Variants in RNPEP observed in about 807,000 individuals in gnomAD.
RNPEP encodes aminopeptidase B.
RNPEP carries 57 observed loss-of-function variants against 70.1 expected under a neutral mutation model. The ratio of observed to expected loss-of-function variants is 0.81; its 90% confidence interval spans 0.66 to 1.01. The LOEUF is 1.01. Ranked by LOEUF, RNPEP falls within the 50% of genes least tolerant of loss-of-function variation. RNPEP has a pLI of 0.00. For missense variants in RNPEP, 787 were observed against 852.4 expected (o/e 0.92, Z 0.96); for synonymous variants, 335 against 357.4 (o/e 0.94, Z 0.71).
At chr1:201,994,690 A>G (rs376040115) in intron 3 of RNPEP, among the ~76,000 whole-genome samples, 2 of 148,454 alleles carry the variant, frequency 1.3e-5, no homozygotes, top group African/African-American at 5.0e-5. Context: ...TTTTTGAAAC[A>G]GAGTCTTACT....
chr1:202,000,000 G>T lies in RNPEP; in HGVS notation c.1189G>T (p.Val397Leu), dbSNP rs777730719. The change falls in exon 6 of 11, where the codon GTG becomes TTG. Residue 397 changes from valine to leucine, a missense_variant. Coordinates refer to ENST00000295640, the MANE Select transcript of RNPEP (RefSeq NM_020216.4). ...GGAAAACCCACTCAACAAGCTCCGC[G>T]TGAAGATTGAACCAGGTCCAGGAGG... Reference protein sequence around the residue: ...GEENPLNKLRVKIEPGVDPDD... With the variant: ...GEENPLNKLRLKIEPGVDPDD... 4.3e-6 allele frequency: 7 copies of T among 1,613,266 alleles called. No homozygotes were observed. The South Asian group carries it at 4.4e-5, about 10-fold the overall frequency.
At chr1:202,001,290 C>A (rs1571644840) in intron 6 of RNPEP, 86 bp from the exon 7 acceptor site, 1 of 914,070 alleles carries the variant, frequency 1.1e-6, no homozygotes, top group Non-Finnish European at 1.8e-6. Context: ...TCTTCCATCG[C>A]TAGTCTTTGA....
intron 3 of RNPEP, among the ~76,000 whole-genome samples, chr1:201,991,936 C>G (rs180903929): frequency 3.9e-5 from 6 of 152,246 alleles, no homozygotes; most frequent in East Asian, 3.9e-4. Flanking sequence ...CTTTTTCTGT[C>G]TGGTTTCCTG....
rs760745382 is a variant in RNPEP at position 202,004,493 on chromosome 1, C to G, written c.1791C>G (p.Asn597Lys). 3.7e-6 allele frequency: 6 copies of G among 1,613,440 alleles called. No homozygotes were observed. The African/African-American group carries it at 5.3e-5, about 14-fold the overall frequency. Residue 597 changes from asparagine (N) to lysine (K), a missense_variant, in exon 10 of 11, where the codon AAC becomes AAG. Coordinates refer to ENST00000295640, the MANE Select transcript of RNPEP (RefSeq NM_020216.4). ...GGAAAGTGAAGGAGTTCCTGCATAA[C>G]CAGGTGGGTGACCCCTGCCTCGCTG... ...DFWKVKEFLH[N>K]QGKQKYTLPL... is the part of the protein sequence containing the mutation.
At chr1:202,001,242 C>A in intron 6 of RNPEP, 134 bp from the exon 7 acceptor site, 1 of 651,646 alleles carries the variant, frequency 1.5e-6, no homozygotes, top group Non-Finnish European at 2.7e-6. Flanking sequence ...TGGACACCTT[C>A]TTGGCCTTGC....
chr1:201,986,536 C>CTTTCTTTTTTTTTTTTTTTTTTTT (rs1553303391), intron 1 of RNPEP, among the ~76,000 whole-genome samples: 1 of 80,624 alleles, frequency 1.2e-5, no homozygotes, highest in African/African-American at 4.8e-5. Context: ...CATTTTCTTT[C>CTTTCTTTTTTTTTTTTTTTTTTTT]TTTTTTTTTT....
At position 202,003,369 on chromosome 1, in the gene RNPEP, A is replaced by C. The variant is rs1683912966; in HGVS notation, c.1559A>C (p.Lys520Thr). 1 of 1,614,016 alleles carries C rather than the reference A, an allele frequency of 6.2e-7. No homozygotes were observed. The highest frequency in any genetic ancestry group is 1.3e-5 in the African/African-American group (1 of 74,904). The change falls in exon 9 of 11, where the codon AAG becomes ACG. Residue 520 changes from lysine to threonine, a missense_variant. Lys to Thr is a moderately conservative substitution (Grantham distance 78). Coordinates refer to ENST00000295640, the MANE Select transcript of RNPEP (RefSeq NM_020216.4). The part of the protein sequence containing the change: ...QLWAAEELDM[K>T]AIEAVAISPW... Reference sequence around the variant, plus strand: ...TGGGCAGCCGAGGAGCTGGACATGAAGGCCATTGAAGCCGTGGCCATCTCT... The same window carrying C: ...TGGGCAGCCGAGGAGCTGGACATGACGGCCATTGAAGCCGTGGCCATCTCT...
chr1:202,002,879 CAG>C (rs1683886502), intron 8 of RNPEP, among the ~76,000 whole-genome samples: 1 of 152,260 alleles, frequency 6.6e-6, no homozygotes, highest in South Asian at 2.1e-4. Context: ...TGGTTAATGA[CAG>C]AGCAGGGGTA....
At chr1:201,996,445 G>A (rs1683554967) in intron 4 of RNPEP, 182 bp downstream of exon 4, 2 of 608,962 alleles carry the variant, frequency 3.3e-6, no homozygotes, top group Admixed American at 2.7e-5. Flanking sequence ...CTGAGGAGAG[G>A]GCCTAGGAGA....
At position 201,996,132 on chromosome 1, in the gene RNPEP, C is replaced by T; in HGVS notation, c.738-15C>T. Reference sequence around the variant, plus strand: ...TCTAAACACCATTCTGCTTTCTCTGCTCTCTTGTCTTTAGGAGCCGGGTGT... The same window carrying T: ...TCTAAACACCATTCTGCTTTCTCTGTTCTCTTGTCTTTAGGAGCCGGGTGT... On this transcript the variant is annotated splice_polypyrimidine_tract_variant and intron_variant, in intron 3 of 10. Transcript: ENST00000295640. 6.2e-7 allele frequency: 1 copy of T among 1,602,478 alleles called. No homozygotes were observed.
chr1:202,005,832 ATCTATTC>A lies in RNPEP; in HGVS notation c.*121_*127del. ...CTGGAGTTTATATCCCCTCAGGATA[ATCTATTC>A]TCTAGCTTAGGTATCTGTGACTCTT... On this transcript the variant is annotated 3_prime_UTR_variant, in exon 11 of 11. Transcript: ENST00000295640. The A allele has an allele frequency of 8.2e-7, 1 of 1,223,434 alleles. No homozygotes were observed. Among genetic ancestry groups the A allele is most frequent in the Non-Finnish European group, 1.2e-6 (1 of 858,962 alleles). The allele number at this position is 1,223,434 out of a possible 1,614,324, so 75.8% of individuals were successfully genotyped here.
chr1:201,985,562 GAGC>G (rs1376232776), intron 1 of RNPEP, among the ~76,000 whole-genome samples: 3 of 152,092 alleles, frequency 2.0e-5, no homozygotes, highest in Non-Finnish European at 4.4e-5. Context: ...TGGCTTAATT[GAGC>G]AGCCAGTTCA....
At chr1:201,992,583 G>A (rs4950811) in intron 3 of RNPEP, among the ~76,000 whole-genome samples, 37,552 of 151,586 alleles carry the variant, frequency 0.25, 5,333 homozygotes, top group Non-Finnish European at 0.32. Flanking sequence ...CCTCCCTTCC[G>A]GCAAGCCACT....
chr1:202,003,188 C>T (rs756587423), intron 8 of RNPEP, 49 bp from the exon 9 acceptor site: 6 of 1,462,474 alleles, frequency 4.1e-6, no homozygotes, highest in Non-Finnish European at 4.7e-6. Flanking sequence ...ACCAGTTGAC[C>T]GTAACCTGGC....
chr1:201,989,555 C>G, intron 3 of RNPEP, 24 bp downstream of exon 3: 1 of 1,613,582 alleles, frequency 6.2e-7, no homozygotes, highest in Non-Finnish European at 8.5e-7. Context: ...ACCCCACAGG[C>G]AAGGTTGGAT....
intron 3 of RNPEP, among the ~76,000 whole-genome samples, chr1:201,990,533 G>C (rs1442674444): frequency 1.3e-5 from 2 of 152,128 alleles, no homozygotes; most frequent in Non-Finnish European, 2.9e-5. Context: ...ACCTTTTCCT[G>C]GCACTGTTGC....
rs746072527 is a variant in RNPEP, at chr1:202,001,472, T to G, written c.1301T>G (p.Phe434Cys). ...CACTTGGTGGGTGATCAGGATCAGT[T>G]TGACAGTTTTCTCAAGGTATAGTCA... is the stretch of plus-strand genomic sequence containing the variant. ...LAHLVGDQDQ[F>C]DSFLKAYVHE... Residue 434 changes from phenylalanine (F) to cysteine (C), a missense_variant, in exon 7 of 11, where the codon TTT (phenylalanine) becomes TGT (cysteine). Phe to Cys is a radical substitution (Grantham distance 205). Coordinates refer to ENST00000295640, the MANE Select transcript of RNPEP (RefSeq NM_020216.4). The G allele has an allele frequency of 1.9e-6, 3 of 1,611,866 alleles. No homozygotes were observed. In the Admixed American group the frequency reaches 5.0e-5, roughly 27 times the overall value.
At chr1:201,997,660 C>A in intron 5 of RNPEP, 106 bp downstream of exon 5, 1 of 796,016 alleles carries the variant, frequency 1.3e-6, no homozygotes, top group Non-Finnish European at 2.1e-6. Context: ...TGTGAAGAGA[C>A]GAGGCAGTAG....
Position 201,989,484 on chromosome 1 carries a change from G to A in RNPEP, c.690G>A (p.Leu230=). 6.2e-7 allele frequency: 1 copy of A among 1,614,160 alleles called. No homozygotes were observed. Among genetic ancestry groups the A allele is most frequent in the Non-Finnish European group, 8.5e-7 (1 of 1,180,020 alleles). The part of the protein sequence containing the change: ...FQMCQPIPSY[L]IALAIGDLVS... ...TGTGTCAGCCCATCCCCTCCTATCT[G>A]ATAGCTTTGGCCATCGGAGATCTGG... Residue 230 remains leucine (L), a synonymous_variant, in exon 3 of 11, where the codon CTG becomes CTA. Transcript: ENST00000295640.
Sources: allele counts gnomAD v4.1 joint callset (sites outside exome capture counted in the v4.1 genomes callset), GRCh38; gene constraint gnomAD v4.1.1; transcripts MANE v1.5; gene names NCBI Gene and HGNC (gene_info 2026-07-23, HGNC 2026-07-21).